Variants in SCNN1B observed in about 807,000 individuals in gnomAD.
SCNN1B encodes sodium channel epithelial 1 subunit beta.
Under a neutral mutation model 65.3 loss-of-function variants are expected in SCNN1B, and 46 were observed. The observed-to-expected ratio is 0.70, with a 90% CI of 0.56 to 0.90. The LOEUF (loss-of-function observed/expected upper bound fraction) is 0.90, where lower values mean the gene tolerates loss of function less well. SCNN1B is among the 40% of genes least tolerant of loss of function. The probability of loss-of-function intolerance (pLI) is 0.00; values close to 1 mark genes in which losing one functional copy is unlikely to be tolerated. For missense variants in SCNN1B, 751 were observed against 830.5 expected, an observed-to-expected ratio of 0.90 and a Z score of 1.18; for synonymous variants, 349 against 330.6, an observed-to-expected ratio of 1.06 and a Z score of -0.60.
At chr16:23,371,697 A>C in intron 6 of SCNN1B, 79 bp from the exon 7 acceptor site, 1 of 1,270,262 alleles carries the variant, frequency 7.9e-7, no homozygotes, top group South Asian at 1.2e-5. Flanking sequence ...TCTGTCCCCA[A>C]ATGCTTGATA....
rs772164903 is a variant in SCNN1B, at chr16:23,353,000, C to T, written c.511C>T (p.His171Tyr). The change falls in exon 3 of 13, where the codon CAC (histidine) becomes TAC (tyrosine). Residue 171 changes from histidine (H) to tyrosine (Y), a missense_variant. Physicochemically the swap from His to Tyr is moderately conservative, Grantham distance 83. Coordinates refer to ENST00000343070, the MANE Select transcript of SCNN1B (RefSeq NM_000336.3). Reference protein sequence around the residue: ...PMVLDLFGDNHNGLTSSSASE... With the variant: ...PMVLDLFGDNYNGLTSSSASE... ...GGTCCTTGATCTCTTTGGAGACAAC[C>T]ACAATGGCTTAACAAGCAGCTCAGC... is the stretch of plus-strand genomic sequence containing the variant. 61 of 1,614,022 alleles carry T rather than the reference C, an allele frequency of 3.8e-5. No individual in the cohort carries two copies. Among genetic ancestry groups the T allele is most frequent in the Non-Finnish European group, 4.7e-5 (56 of 1,180,024 alleles).
At chr16:23,316,876 C>T (rs1425483946) in intron 1 of SCNN1B, among the ~76,000 whole-genome samples, 1 of 152,110 alleles carries the variant, frequency 6.6e-6, no homozygotes, top group Non-Finnish European at 1.5e-5. Flanking sequence ...CCATCATCAG[C>T]ATCATGACCA....
In SCNN1B at chr16:23,371,332, AC is replaced by A. The variant is rs1275275977; in HGVS notation, c.915del (p.Tyr306ThrfsTer13). On this transcript the variant is annotated frameshift_variant, in exon 6 of 13. Transcript: ENST00000343070. LOFTEE classifies it high-confidence loss of function. ...TTGATCCTGGACATAGGCCAGGAAG[AC>A]TACGTCCCCTTCCTTGCGTCCACGG... ...LKLILDIGQE[D>X]YVPFLASTAG... 4 of 1,614,112 alleles carry A rather than the reference AC, an allele frequency of 2.5e-6. No individual in the cohort carries two copies.
intron 1 of SCNN1B, among the ~76,000 whole-genome samples, chr16:23,316,884 CCACCATCACCCT>C (rs1305767996): frequency 1.3e-5 from 2 of 151,114 alleles, no homozygotes; most frequent in African/African-American, 4.9e-5. Context: ...AGCATCATGA[CCACCATCACCCT>C]CACCATCACC....
At chr16:23,345,647 T>C (rs1239773252) in intron 1 of SCNN1B, among the ~76,000 whole-genome samples, 1 of 152,236 alleles carries the variant, frequency 6.6e-6, no homozygotes, top group East Asian at 1.9e-4. Flanking sequence ...TGAGTCCTAA[T>C]GTTCCACTTT....
intron 1 of SCNN1B, among the ~76,000 whole-genome samples, chr16:23,331,619 C>T (rs111608701): frequency 5.3e-5 from 8 of 152,254 alleles, no homozygotes; most frequent in African/African-American, 1.9e-4. Context: ...CACGCCCGGC[C>T]TCCTGGTCAC....
At chr16:23,358,280 A>G (rs1179897385) in intron 4 of SCNN1B, 4 of 152,236 alleles carry the variant, frequency 2.6e-5, no homozygotes, top group African/African-American at 9.7e-5. Flanking sequence ...TAGCTGGCTG[A>G]TGGGCCACTA....
chr16:23,309,564 G>A (rs1261879730), intron 1 of SCNN1B, among the ~76,000 whole-genome samples: 2 of 152,218 alleles, frequency 1.3e-5, no homozygotes, highest in Non-Finnish European at 2.9e-5. Flanking sequence ...GAAGAACTTG[G>A]AGTCCGATGT....
chr16:23,304,089 C>T, intron 1 of SCNN1B: 1 of 1,535,654 alleles, frequency 6.5e-7, no homozygotes, highest in East Asian at 2.4e-5. Context: ...ATTTAGGTGA[C>T]AAAAATTTTC....
intron 2 of SCNN1B, among the ~76,000 whole-genome samples, chr16:23,284,695 G>A (rs960762097): frequency 2.1e-4 from 32 of 152,184 alleles, no homozygotes; most frequent in African/African-American, 7.7e-4. Context: ...CAGTTCTAGG[G>A]AGAGGTGAGG....
At chr16:23,353,231 T>A (rs1962349391) in intron 3 of SCNN1B, 157 bp downstream of exon 3, 1 of 892,408 alleles carries the variant, frequency 1.1e-6, no homozygotes, top group African/African-American at 1.7e-5. Context: ...AAAATAGAAA[T>A]TTTTGGCATG....
At chr16:23,316,004 A>C (rs1245053512) in intron 1 of SCNN1B, among the ~76,000 whole-genome samples, 1 of 151,212 alleles carries the variant, frequency 6.6e-6, no homozygotes, top group Non-Finnish European at 1.5e-5. Flanking sequence ...CATCATCATC[A>C]CCACCATCAT....
intron 1 of SCNN1B, among the ~76,000 whole-genome samples, chr16:23,326,181 T>C (rs1285109184): frequency 6.6e-6 from 1 of 152,114 alleles, no homozygotes; most frequent in East Asian, 1.9e-4. Flanking sequence ...TTTTTTCATA[T>C]ACTTAGAATC....
At chr16:23,289,034 A>G (rs1365304541) in intron 2 of SCNN1B, among the ~76,000 whole-genome samples, 1 of 152,192 alleles carries the variant, frequency 6.6e-6, no homozygotes, top group East Asian at 1.9e-4. Flanking sequence ...TAGCCTAATC[A>G]CAGAAATGAC....
intron 2 of SCNN1B, among the ~76,000 whole-genome samples, chr16:23,349,789 T>C (rs1962269845): frequency 6.6e-6 from 1 of 152,092 alleles, no homozygotes; most frequent in Non-Finnish European, 1.5e-5. Context: ...TTCATCATCA[T>C]TATGATGATA....
At chr16:23,309,665 A>G (rs1961298704) in intron 1 of SCNN1B, among the ~76,000 whole-genome samples, 1 of 152,180 alleles carries the variant, frequency 6.6e-6, no homozygotes, top group Non-Finnish European at 1.5e-5. Flanking sequence ...CCTGCTTTAT[A>G]TACTAGCTGC....
At chr16:23,356,469 C>A (rs1285310944) in intron 4 of SCNN1B, among the ~76,000 whole-genome samples, 3 of 151,854 alleles carry the variant, frequency 2.0e-5, no homozygotes, top group African/African-American at 7.3e-5. Context: ...TACAAAAAAT[C>A]AAAAACCAGC....
intron 1 of SCNN1B, among the ~76,000 whole-genome samples, chr16:23,337,289 A>G (rs1410702931): frequency 6.6e-6 from 1 of 151,872 alleles, no homozygotes; most frequent in Non-Finnish European, 1.5e-5. Flanking sequence ...CCTGGACTCC[A>G]GTGATCCTCC....
chr16:23,377,450 G>A (rs1487129180), intron 10 of SCNN1B, 64 bp downstream of exon 10: 4 of 1,527,552 alleles, frequency 2.6e-6, no homozygotes. Flanking sequence ...CTGGGCATAA[G>A]ATGTGGGCTA....
Sources: gnomAD v4.1 joint callset for allele counts (sites outside exome capture counted in the v4.1 genomes callset) on GRCh38, gnomAD v4.1.1 for gene constraint, MANE v1.5 for transcripts, NCBI Gene and HGNC (gene_info 2026-07-23, HGNC 2026-07-21) for gene names.